ANK2: variants seen among roughly 807,000 people sequenced by gnomAD.
The protein encoded by ANK2 is ankyrin-2.
A neutral mutation model predicts 360.5 loss-of-function variants in ANK2; 83 were observed. That is an observed-to-expected ratio of 0.23 (90% CI 0.19 to 0.28). ANK2 has a LOEUF of 0.28. ANK2 is among the 10% of genes least tolerant of loss of function. The pLI, the probability that ANK2 is intolerant of heterozygous loss-of-function variation, is 1.00. For missense variants in ANK2, 4,201 were observed against 4,795.7 expected, an observed-to-expected ratio of 0.88 and a Z score of 3.66; for synonymous variants, 1,740 against 1,759.5, an observed-to-expected ratio of 0.99 and a Z score of 0.28.
chr4:113,316,320 G>C (rs570297897), intron 24 of ANK2, among the ~76,000 whole-genome samples: 1 of 152,234 alleles, frequency 6.6e-6, no homozygotes, highest in South Asian at 2.1e-4. Flanking sequence ...TACCCTTTAA[G>C]ACTTTTTTTG....
intron 41 of ANK2, among the ~76,000 whole-genome samples, chr4:113,366,070 A>T (rs2096522612): frequency 6.6e-6 from 1 of 152,186 alleles, no homozygotes. Context: ...CATCTTTAAA[A>T]ACAAAACAAA....
chr4:113,179,092 G>A, intron 2 of ANK2, among the ~76,000 whole-genome samples: 1 of 152,106 alleles, frequency 6.6e-6, no homozygotes, highest in East Asian at 1.9e-4. Flanking sequence ...ATACAATATA[G>A]AACAGGAAAT....
At chr4:113,123,228 C>T (rs923490881) in intron 1 of ANK2, among the ~76,000 whole-genome samples, 8 of 151,786 alleles carry the variant, frequency 5.3e-5, no homozygotes, top group East Asian at 3.9e-4. Context: ...TTAATTCTTT[C>T]GTTACCTTTA....
intron 1 of ANK2, among the ~76,000 whole-genome samples, chr4:112,837,361 A>G (rs1272092683): frequency 6.6e-6 from 1 of 152,248 alleles, no homozygotes; most frequent in African/African-American, 2.4e-5. Flanking sequence ...TCCACATGAA[A>G]GTCTGCTGCA....
Position 113,062,433 on chromosome 4 carries a change from T to A in ANK2, c.84+12621T>A, listed in dbSNP as rs116785665. Among the ~76,000 whole-genome samples the A allele has an allele frequency of 8.1e-3, 1,238 of 152,278 alleles. 7 individuals carry two copies. Among genetic ancestry groups the A allele is most frequent in the Non-Finnish European group, 0.014 (934 of 67,992 alleles). On this transcript the variant is annotated intron_variant, in intron 1 of 45. Transcript: ENST00000357077. ...CAAGGTGACCAATGAACAATGATTTTGGATCTCATTAAATTCTTAAATTTT... is the reference window on the plus strand; with the variant it reads ...CAAGGTGACCAATGAACAATGATTTAGGATCTCATTAAATTCTTAAATTTT...
At chr4:112,786,965 T>A in the ANK2 span, among the ~76,000 whole-genome samples, 6 of 151,816 alleles carry the variant, frequency 4.0e-5, no homozygotes, top group Non-Finnish European at 7.4e-5. Flanking sequence ...GCCAGGTTGG[T>A]CTCCAACTCC....
At chr4:112,981,276 C>T (rs2043038679) in intron 2 of ANK2, among the ~76,000 whole-genome samples, 1 of 152,134 alleles carries the variant, frequency 6.6e-6, no homozygotes, top group Non-Finnish European at 1.5e-5. Flanking sequence ...GGCAGAATGC[C>T]AGTTGGTGTT....
In ANK2 at chr4:113,214,381, T is replaced by C. The variant is rs201321169; in HGVS notation, c.384+15272T>C. 9 of 875,160 alleles carry C rather than the reference T, an allele frequency of 1.0e-5. 1 individual carries two copies. Among genetic ancestry groups the C allele is most frequent in the Non-Finnish European group, 1.6e-5 (9 of 546,000 alleles). The allele number at this position is 875,160 out of a possible 1,614,324, so 54.2% of individuals were successfully genotyped here. A position where few individuals can be genotyped will look rare whatever the true frequency, so the allele number is the denominator to read the frequency against. Reference sequence around the variant, plus strand: ...TTTTTGGCACGACCATTGTTCCTTCTTTTCTTTGTCATCTTGGAGGCACGG... The same window carrying C: ...TTTTTGGCACGACCATTGTTCCTTCCTTTCTTTGTCATCTTGGAGGCACGG... On this transcript the variant is annotated intron_variant, in intron 4 of 45. Transcript: ENST00000357077.
chr4:113,328,017 G>A (rs1175429077), intron 26 of ANK2, among the ~76,000 whole-genome samples: 1 of 152,110 alleles, frequency 6.6e-6, no homozygotes, highest in Non-Finnish European at 1.5e-5. Flanking sequence ...TTAGAGAATG[G>A]GCCACCAGAA....
Position 113,255,751 on chromosome 4 carries a change from T to C in ANK2, c.1007T>C (p.Leu336Pro). The change falls in exon 11 of 46, where the codon CTA becomes CCA. Residue 336 changes from leucine to proline, a missense_variant. Leu to Pro is a moderately conservative substitution (Grantham distance 98). This residue lies in a region of ANK2 where 122 missense variants were observed against 239.3 expected (regional missense o/e 0.51). Transcript: ENST00000357077. The part of the protein sequence containing the change: ...LARTKNGLSP[L>P]HMAAQGDHVE... ...AATGTGCAGAATGGGCTGTCTCCACTACACATGGCTGCCCAGGGAGACCAC... is the reference window on the plus strand; with the variant it reads ...AATGTGCAGAATGGGCTGTCTCCACCACACATGGCTGCCCAGGGAGACCAC... 1 of 1,614,114 alleles carries C rather than the reference T, an allele frequency of 6.2e-7. No individual in the cohort carries two copies. Among genetic ancestry groups the C allele is most frequent in the Non-Finnish European group, 8.5e-7 (1 of 1,180,016 alleles).
the ANK2 span, among the ~76,000 whole-genome samples, chr4:112,731,572 A>G: frequency 6.6e-6 from 1 of 151,852 alleles, no homozygotes. Flanking sequence ...CTCTACAGAA[A>G]ATACAAAAAT....
the ANK2 span, among the ~76,000 whole-genome samples, chr4:112,787,035 C>T: frequency 3.3e-5 from 5 of 152,140 alleles, no homozygotes; most frequent in Non-Finnish European, 7.4e-5. Flanking sequence ...AGGTGTGAGC[C>T]ATCACACCTG....
At chr4:112,745,181 C>T in the ANK2 span, among the ~76,000 whole-genome samples, 2 of 152,168 alleles carry the variant, frequency 1.3e-5, no homozygotes, top group South Asian at 2.1e-4. Context: ...AAAAGTATTA[C>T]ATACATTCAC....
intron 2 of ANK2, among the ~76,000 whole-genome samples, chr4:113,184,028 G>A (rs59430982): frequency 0.03 from 4,456 of 149,714 alleles, 226 homozygotes; most frequent in African/African-American, 0.1. Context: ...ATAGGAATAC[G>A]AGATCCAAAG....
chr4:112,914,994 G>A (rs1481080171), intron 2 of ANK2, among the ~76,000 whole-genome samples: 1 of 152,206 alleles, frequency 6.6e-6, no homozygotes, highest in Non-Finnish European at 1.5e-5. Context: ...CTCTGGGGCT[G>A]AGTCCCCATG....
At chr4:112,881,857 G>C in intron 1 of ANK2, 1 of 845,622 alleles carries the variant, frequency 1.2e-6, no homozygotes, top group Non-Finnish European at 2.0e-6. Flanking sequence ...TGGGCACCGG[G>C]TTTTTGAGAA....
chr4:113,076,084 A>G (rs749648848), intron 1 of ANK2, among the ~76,000 whole-genome samples: 20 of 152,230 alleles, frequency 1.3e-4, no homozygotes, highest in Non-Finnish European at 2.6e-4. Flanking sequence ...AACAAAAACA[A>G]AAAACACATT....
At chr4:112,821,460 T>TTTTC (rs2057000474) in intron 1 of ANK2, among the ~76,000 whole-genome samples, 1 of 152,126 alleles carries the variant, frequency 6.6e-6, no homozygotes, top group African/African-American at 2.4e-5. Flanking sequence ...ATTGTTATAG[T>TTTTC]TTTCTAATCT....
At chr4:113,177,360 G>A (rs1489466889) in intron 2 of ANK2, among the ~76,000 whole-genome samples, 6 of 152,336 alleles carry the variant, frequency 3.9e-5, no homozygotes, top group Admixed American at 2.6e-4. Context: ...GATTACAGGC[G>A]TGAGCCACCG....
Sources: gnomAD v4.1 joint callset for allele counts (sites outside exome capture counted in the v4.1 genomes callset) on GRCh38, gnomAD v4.1.1 for gene constraint, gnomAD v4.1.1 regional missense constraint, MANE v1.5 for transcripts, NCBI Gene and HGNC (gene_info 2026-07-23, HGNC 2026-07-21) for gene names.